The following SSBP3 variants were observed in gnomAD, a reference collection of about 807,000 sequenced individuals.
SSBP3 encodes the protein single stranded DNA binding protein 3, also known as single-stranded DNA-binding protein 3.
Under a neutral mutation model 69.6 loss-of-function variants are expected in SSBP3, and 5 were observed. The observed-to-expected ratio is 0.07, with a 90% confidence interval of 0.04 to 0.15. The LOEUF is 0.15. Ranked by LOEUF, SSBP3 falls within the 10% of genes least tolerant of loss-of-function variation. The pLI is 1.00. For synonymous variants in SSBP3, 196 were observed against 193.4 expected (o/e 1.01, Z -0.11); for missense variants, 312 against 534.0 (o/e 0.58, Z 4.10).
intron 5 of SSBP3, among the ~76,000 whole-genome samples, chr1:54,265,482 C>G (rs3753414): frequency 0.42 from 63,514 of 151,986 alleles, 13,424 homozygotes; most frequent in South Asian, 0.48. Context: ...CTGGGCCACA[C>G]AGCAGTGGAA....
At chr1:54,296,845 C>T (rs907217964) in intron 4 of SSBP3, among the ~76,000 whole-genome samples, 1 of 152,170 alleles carries the variant, frequency 6.6e-6, no homozygotes, top group African/African-American at 2.4e-5. Context: ...GCAGACCAGA[C>T]TCCCAGAGCC....
At chr1:54,370,233 G>C (rs539008005) in intron 4 of SSBP3, among the ~76,000 whole-genome samples, 5 of 152,086 alleles carry the variant, frequency 3.3e-5, no homozygotes, top group Non-Finnish European at 7.4e-5. Flanking sequence ...TTCATTTACC[G>C]TCTGCATCCA....
At chr1:54,343,462 C>T (rs142133467) in intron 4 of SSBP3, among the ~76,000 whole-genome samples, 80 of 152,340 alleles carry the variant, frequency 5.3e-4, no homozygotes, top group Non-Finnish European at 9.7e-4. Flanking sequence ...GTGACTATCA[C>T]TGTAGCTATC....
At chr1:54,296,961 T>G (rs1645714386) in intron 4 of SSBP3, among the ~76,000 whole-genome samples, 2 of 152,182 alleles carry the variant, frequency 1.3e-5, no homozygotes, top group African/African-American at 4.8e-5. Context: ...TGATCTCACT[T>G]AATCCTCCCA....
Position 54,262,465 on chromosome 1 carries a change from G to A in SSBP3, c.367-4316C>T, listed in dbSNP as rs143073935. ...GAACCCAAGGCTGAAGGACTTGGGA[G>A]AGCACCGAGATGCCGGGTGCTGACC... On this transcript the variant is annotated intron_variant, in intron 5 of 17. Transcript: ENST00000610401. Among the ~76,000 whole-genome samples the A allele has an allele frequency of 3.2e-3, 480 of 152,348 alleles. 1 individual carries two copies. The highest frequency in any genetic ancestry group is 4.7e-3 in the Non-Finnish European group (319 of 68,032).
chr1:54,252,930 C>T (rs1644854973), intron 7 of SSBP3, among the ~76,000 whole-genome samples: 1 of 152,172 alleles, frequency 6.6e-6, no homozygotes, highest in African/African-American at 2.4e-5. Flanking sequence ...CTCAAGGGCC[C>T]CCAGCCCAGG....
At chr1:54,257,046 C>G in intron 7 of SSBP3, 81 bp downstream of exon 7, 1 of 1,427,992 alleles carries the variant, frequency 7.0e-7, no homozygotes, top group Non-Finnish European at 9.5e-7. Flanking sequence ...TCCTTTCCCT[C>G]AACTTTCATT....
Position 54,240,875 on chromosome 1 carries a change from AC to A in SSBP3, c.856+29del, listed in dbSNP as rs768854981. ...AACATGCCCCACCCTCCACCACCAGACCCCCCACTTTCCCCTCAAGCGCTCT... is the reference window on the plus strand; with the variant it reads ...AACATGCCCCACCCTCCACCACCAGACCCCCACTTTCCCCTCAAGCGCTCT... On this transcript the variant is annotated intron_variant, in intron 13 of 17. Coordinates refer to ENST00000610401, the Ensembl canonical transcript of SSBP3. The A allele has an allele frequency of 1.9e-6, 3 of 1,610,888 alleles. No homozygotes were observed. In the Admixed American group the frequency reaches 5.0e-5, roughly 27 times the overall value.
At chr1:54,311,343 C>G (rs1484541872) in intron 4 of SSBP3, among the ~76,000 whole-genome samples, 1 of 152,136 alleles carries the variant, frequency 6.6e-6, no homozygotes, top group African/African-American at 2.4e-5. Flanking sequence ...AGGAGAGAGG[C>G]AGCAGTGTGG....
intron 5 of SSBP3, among the ~76,000 whole-genome samples, chr1:54,270,051 G>T (rs1222063435): frequency 6.6e-6 from 1 of 152,256 alleles, no homozygotes; most frequent in Non-Finnish European, 1.5e-5. Context: ...GGAATGACCA[G>T]ATGTCAGCCT....
intron 5 of SSBP3, among the ~76,000 whole-genome samples, chr1:54,261,652 G>T (rs1645019229): frequency 6.6e-6 from 1 of 152,184 alleles, no homozygotes; most frequent in African/African-American, 2.4e-5. Context: ...CCCAAAATGG[G>T]TGCATCTGGA....
intron 1 of SSBP3, among the ~76,000 whole-genome samples, chr1:54,412,071 C>T (rs552060902): frequency 6.6e-6 from 1 of 152,258 alleles, no homozygotes; most frequent in East Asian, 1.9e-4. Context: ...AAACTTTGCT[C>T]TTGCTGGTCA....
In SSBP3 at chr1:54,316,653, AAAAAAATAAAATAAAT is replaced by A. The variant is rs1254449827; in HGVS notation, c.277-35142_277-35127del. 1.4e-3 allele frequency among the ~76,000 whole-genome samples: 77 copies of A among 53,848 alleles called. 7 individuals carry two copies. The highest frequency in any genetic ancestry group is 6.9e-3 in the African/African-American group (54 of 7,776). 35.3% of individuals were successfully genotyped at this position (53,848 alleles called of 152,430 possible). A position where few individuals can be genotyped will look rare whatever the true frequency, so the allele number is the denominator to read the frequency against. ...ACAGAGCGAGACTCCGTCTCAAAAA[AAAAAAATAAAATAAAT>A]AAATAAATAAATAAATAAATAAATA... On this transcript the variant is annotated intron_variant, in intron 4 of 17. Coordinates refer to ENST00000610401, the Ensembl canonical transcript of SSBP3.
intron 4 of SSBP3, among the ~76,000 whole-genome samples, chr1:54,303,127 A>G (rs569199162): frequency 2.0e-5 from 3 of 152,356 alleles, no homozygotes; most frequent in African/African-American, 7.2e-5. Context: ...CGCGCTAATT[A>G]CACAGCACAA....
chr1:54,241,004 GA>G (rs762209122), intron 12 of SSBP3, 45 bp from the exon 13 acceptor site: 44 of 1,572,664 alleles, frequency 2.8e-5, no homozygotes, highest in Non-Finnish European at 3.5e-5. Flanking sequence ...CGGTGGTAAC[GA>G]ACATGGGGAG....
chr1:54,301,320 G>C (rs1421116941), intron 4 of SSBP3, among the ~76,000 whole-genome samples: 1 of 152,184 alleles, frequency 6.6e-6, no homozygotes, highest in Non-Finnish European at 1.5e-5. Context: ...ACCAGCAGCA[G>C]CAGCACGCCA....
At chr1:54,247,151 CCTGGAGGCGGTGG>C (rs1055061963) in intron 9 of SSBP3, among the ~76,000 whole-genome samples, 3 of 152,234 alleles carry the variant, frequency 2.0e-5, no homozygotes, top group African/African-American at 7.2e-5. Context: ...GGGGCTGCAG[CCTGGAGGCGGTGG>C]CTGCTGCTCC....
In SSBP3 at chr1:54,405,137, G is replaced by A. The variant is rs375794956; in HGVS notation, c.57-207C>T. On this transcript the variant is annotated intron_variant, in intron 1 of 17. Coordinates refer to ENST00000610401, the Ensembl canonical transcript of SSBP3. ...GACCAGGGAACGCGTTACCTCAAGCGGTGAGGGATGGAGAGCAGCCCCCAA... is the reference window on the plus strand; with the variant it reads ...GACCAGGGAACGCGTTACCTCAAGCAGTGAGGGATGGAGAGCAGCCCCCAA... Among the ~76,000 whole-genome samples, 35 of 152,254 alleles carry A rather than the reference G, an allele frequency of 2.3e-4. No homozygotes were observed. The South Asian group carries it at 6.8e-3, about 30-fold the overall frequency.
chr1:54,304,023 G>A (rs1645851594), intron 4 of SSBP3, among the ~76,000 whole-genome samples: 1 of 152,162 alleles, frequency 6.6e-6, no homozygotes, highest in Admixed American at 6.5e-5. Context: ...GGGTAGCACG[G>A]AGACAGAGGA....
Sources: gnomAD v4.1 joint callset for allele counts (sites outside exome capture counted in the v4.1 genomes callset) on GRCh38, gnomAD v4.1.1 for gene constraint, MANE v1.5 for transcripts, NCBI Gene and HGNC (gene_info 2026-07-23, HGNC 2026-07-21) for gene names.